Variants in ARID1A observed in about 807,000 individuals in gnomAD.
ARID1A encodes AT-rich interaction domain 1A.
In ARID1A, 20 loss-of-function variants were observed where a neutral mutation model predicts 212.6. That is an observed-to-expected ratio of 0.09 (90% CI 0.07 to 0.14). The LOEUF (loss-of-function observed/expected upper bound fraction) is 0.14, where lower values mean the gene tolerates loss of function less well. Ranked by LOEUF, ARID1A falls within the 10% of genes least tolerant of loss-of-function variation. The pLI is 1.00. For missense variants in ARID1A, 2,587 were observed against 3,059.0 expected, an observed-to-expected ratio of 0.85 and a Z score of 3.64; for synonymous variants, 1,376 against 1,222.1, an observed-to-expected ratio of 1.13 and a Z score of -2.63.
chr1:26,761,040 C>G lies in ARID1A; in HGVS notation c.2105C>G (p.Ser702Cys), dbSNP rs1461942804. 6.2e-7 allele frequency: 1 copy of G among 1,614,024 alleles called. No individual in the cohort carries two copies. The highest frequency in any genetic ancestry group is 1.3e-5 in the African/African-American group (1 of 74,920). Residue 702 changes from serine (S) to cysteine (C), a missense_variant, in exon 5 of 20, where the codon TCT (serine) becomes TGT (cysteine). Ser to Cys is a moderately radical substitution (Grantham distance 112). Transcript: ENST00000324856. ...GGCCCTTCCCCGTCCCCTGTTGGCT[C>G]TCCCGCCAGTGTTGCTCAGTCTCGC... is the stretch of plus-strand genomic sequence containing the variant. Reference protein sequence around the residue: ...IRGPSPSPVGSPASVAQSRSG... With the variant: ...IRGPSPSPVGCPASVAQSRSG...
At chr1:26,735,033 T>G (rs1349853366) in intron 4 of ARID1A, among the ~76,000 whole-genome samples, 1 of 152,204 alleles carries the variant, frequency 6.6e-6, no homozygotes, top group Non-Finnish European at 1.5e-5. Flanking sequence ...GCCAAGCCAT[T>G]TGGGTGCTAT....
intron 1 of ARID1A, among the ~76,000 whole-genome samples, chr1:26,700,833 C>T (rs78520390): frequency 0.059 from 9,031 of 152,302 alleles, 367 homozygotes; most frequent in Non-Finnish European, 0.088. Flanking sequence ...AGGAAAACCA[C>T]ACTGAGATGG....
intron 1 of ARID1A, among the ~76,000 whole-genome samples, chr1:26,703,891 G>A (rs1291170246): frequency 1.3e-5 from 2 of 152,202 alleles, no homozygotes; most frequent in Non-Finnish European, 2.9e-5. Flanking sequence ...AACTTGAAAA[G>A]CAAGGTTTCA....
intron 1 of ARID1A, among the ~76,000 whole-genome samples, chr1:26,714,173 A>C (rs2080479691): frequency 6.6e-6 from 1 of 152,244 alleles, no homozygotes; most frequent in South Asian, 2.1e-4. Context: ...CTGAAAAGAC[A>C]GCTGGTGACT....
rs1014301474 is a variant in ARID1A at position 26,696,582 on chromosome 1, G to A, written c.179G>A (p.Gly60Asp). The change falls in exon 1 of 20, where the codon GGC (glycine) becomes GAC (aspartate). Residue 60 changes from glycine to aspartate, a missense_variant. By Grantham distance (94) the Gly-to-Asp change is moderately conservative. This residue lies in a region of ARID1A where 735 missense variants were observed against 590.6 expected (regional missense o/e 1.24). Coordinates refer to ENST00000324856, the MANE Select transcript of ARID1A (RefSeq NM_006015.6). Reference sequence around the variant, plus strand: ...GCAGCCGCCGGGCAGGAAAGCGAGGGCCCCGCCGTGGGGCCGCCGCAGCCG... The same window carrying A: ...GCAGCCGCCGGGCAGGAAAGCGAGGACCCCGCCGTGGGGCCGCCGCAGCCG... The part of the protein sequence containing the change: ...MKAAAGQESE[G>D]PAVGPPQPLG... 2.4e-6 allele frequency: 3 copies of A among 1,229,654 alleles called. No individual in the cohort carries two copies. The highest frequency in any genetic ancestry group is 3.2e-5 in the African/African-American group (2 of 63,476). The allele number at this position is 1,229,654 out of a possible 1,614,324, so 76.2% of individuals were successfully genotyped here. A position where few individuals can be genotyped will look rare whatever the true frequency, so the allele number is the denominator to read the frequency against.
chr1:26,749,304 G>T (rs1343666770), intron 4 of ARID1A, among the ~76,000 whole-genome samples: 2 of 152,124 alleles, frequency 1.3e-5, no homozygotes, highest in African/African-American at 4.8e-5. Context: ...GGGGGTAGGG[G>T]ACAGCTGTGA....
Position 26,697,022 on chromosome 1 carries a change from T to G in ARID1A, c.619T>G (p.Phe207Val), listed in dbSNP as rs2124742743. 6.5e-7 allele frequency: 1 copy of G among 1,536,144 alleles called. No individual in the cohort carries two copies. The highest frequency in any genetic ancestry group is 8.7e-7 in the Non-Finnish European group (1 of 1,145,396). The change falls in exon 1 of 20, where the codon TTC becomes GTC. Residue 207 changes from phenylalanine to valine, a missense_variant. This residue lies in a region of ARID1A where 735 missense variants were observed against 590.6 expected (regional missense o/e 1.24). Coordinates refer to ENST00000324856, the MANE Select transcript of ARID1A (RefSeq NM_006015.6). ...GPQQNSHDHG[F>V]PNHQYNSYYP... ...CCAGCAGAACTCTCACGACCACGGC[T>G]TCCCCAACCACCAGTACAACTCCTA...
chr1:26,759,052 A>C (rs200868674), intron 4 of ARID1A, among the ~76,000 whole-genome samples: 2 of 6,618 alleles, frequency 3.0e-4, no homozygotes, highest in East Asian at 0.25. Context: ...TCTGACCTCC[A>C]GTGTTAACTG....
intron 1 of ARID1A, among the ~76,000 whole-genome samples, chr1:26,704,416 A>G (rs946220382): frequency 1.3e-5 from 2 of 152,264 alleles, no homozygotes; most frequent in African/African-American, 4.8e-5. Flanking sequence ...CGAAGTAAGT[A>G]TCTGTTGGGA....
rs374564889 is a variant in ARID1A at position 26,773,690 on chromosome 1, C to CGCAGCA, written c.3996_4001dup (p.Gln1333_Gln1334dup). On this transcript the variant is annotated inframe_insertion, in exon 16 of 20. Transcript: ENST00000324856. The stretch of plus-strand genomic sequence containing the variant: ...ATGTATTCTCCTAGCCGCTACCCCC[C>CGCAGCA]GCAGCAGCAGCAGCAGCAGCAGCAA... The CGCAGCA allele has an allele frequency of 7.7e-5, 125 of 1,613,332 alleles. No individual in the cohort carries two copies. The highest frequency in any genetic ancestry group is 6.5e-4 in the East Asian group (29 of 44,860).
intron 4 of ARID1A, among the ~76,000 whole-genome samples, chr1:26,760,111 A>T (rs1453061730): frequency 6.6e-6 from 1 of 152,222 alleles, no homozygotes; most frequent in African/African-American, 2.4e-5. Flanking sequence ...AGCATTTTGT[A>T]AAGTTTTGCT....
At chr1:26,759,427 C>T (rs945125818) in intron 4 of ARID1A, among the ~76,000 whole-genome samples, 3 of 152,160 alleles carry the variant, frequency 2.0e-5, no homozygotes, top group Middle Eastern at 3.4e-3. Flanking sequence ...AGGCTGGTCT[C>T]GAACTCCTGG....
chr1:26,700,737 A>G (rs368974962), intron 1 of ARID1A, among the ~76,000 whole-genome samples: 5 of 152,224 alleles, frequency 3.3e-5, no homozygotes, highest in African/African-American at 1.2e-4. Context: ...CAGGAATCCT[A>G]GATTTATTAT....
chr1:26,727,168 C>T (rs1193787965), intron 1 of ARID1A, among the ~76,000 whole-genome samples: 1 of 152,164 alleles, frequency 6.6e-6, no homozygotes, highest in Non-Finnish European at 1.5e-5. Flanking sequence ...GTGTTATGTG[C>T]ATTTAAAGAA....
rs772578230 is a variant in ARID1A, at chr1:26,779,236, G to C, written c.5338G>C (p.Glu1780Gln). The C allele has an allele frequency of 6.2e-7, 1 of 1,614,024 alleles. No homozygotes were observed. The highest frequency in any genetic ancestry group is 8.5e-7 in the Non-Finnish European group (1 of 1,179,998). Residue 1780 changes from glutamate (E) to glutamine (Q), a missense_variant, in exon 20 of 20, where the codon GAA becomes CAA. This residue lies in a region of ARID1A where 890 missense variants were observed against 1,098.2 expected (regional missense o/e 0.81). Coordinates refer to ENST00000324856, the MANE Select transcript of ARID1A (RefSeq NM_006015.6). Reference protein sequence around the residue: ...GPKLEEEEEEEVVENDEEIAF... With the variant: ...GPKLEEEEEEQVVENDEEIAF... ...TAAACTAGAAGAGGAAGAAGAAGAG[G>C]AAGTAGTTGAAAATGATGAGGAGAT...
intron 1 of ARID1A, among the ~76,000 whole-genome samples, chr1:26,722,598 A>G (rs1159016043): frequency 6.6e-6 from 1 of 152,206 alleles, no homozygotes; most frequent in Non-Finnish European, 1.5e-5. Context: ...TTTAAAAAAC[A>G]AAACTTTTTT....
intron 1 of ARID1A, among the ~76,000 whole-genome samples, chr1:26,710,527 A>ACACACACACACC (rs915474721): frequency 1.6e-4 from 24 of 150,498 alleles, no homozygotes; most frequent in Middle Eastern, 3.4e-3. Context: ...ACACACACAC[A>ACACACACACACC]CCACTTGTTG....
intron 4 of ARID1A, among the ~76,000 whole-genome samples, chr1:26,734,906 T>C (rs1486511505): frequency 1.3e-5 from 2 of 152,192 alleles, no homozygotes; most frequent in Non-Finnish European, 2.9e-5. Context: ...GCCCCTCAGA[T>C]TTCACATTGC....
At chr1:26,773,226 T>C in intron 14 of ARID1A, 120 bp from the exon 15 acceptor site, 2 of 1,415,878 alleles carry the variant, frequency 1.4e-6, no homozygotes, top group East Asian at 4.6e-5. Context: ...ATCTCTGTTT[T>C]GAACTTGTCT....
Sources: gnomAD v4.1 joint callset for allele counts (sites outside exome capture counted in the v4.1 genomes callset) on GRCh38, gnomAD v4.1.1 for gene constraint, gnomAD v4.1.1 regional missense constraint, MANE v1.5 for transcripts, NCBI Gene and HGNC (gene_info 2026-07-23, HGNC 2026-07-21) for gene names.